AIG1: variants seen among roughly 807,000 people sequenced by gnomAD.
AIG1 encodes the protein androgen induced 1, also known as androgen-induced gene 1 protein.
In AIG1, 23 loss-of-function variants were observed where a neutral mutation model predicts 31.4. The observed-to-expected ratio is 0.73, with a 90% CI of 0.53 to 1.04. The LOEUF (loss-of-function observed/expected upper bound fraction) is 1.04. Ranked by LOEUF, AIG1 falls within the 50% of genes least tolerant of loss-of-function variation. The probability of loss-of-function intolerance (pLI) is 0.00; values close to 1 mark genes in which losing one functional copy is unlikely to be tolerated. For missense variants in AIG1, 274 were observed against 295.0 expected (o/e 0.93, Z 0.52); for synonymous variants, 100 against 110.5 (o/e 0.90, Z 0.60).
chr6:143,138,575 G>T (rs1347296218), intron 2 of AIG1, among the ~76,000 whole-genome samples: 1 of 151,954 alleles, frequency 6.6e-6, no homozygotes, highest in African/African-American at 2.4e-5. Flanking sequence ...GCCTTCGTTG[G>T]CTAGAAGGAT....
intron 1 of AIG1, among the ~76,000 whole-genome samples, chr6:143,129,247 C>T (rs1039054679): frequency 1.1e-4 from 16 of 152,142 alleles, no homozygotes; most frequent in South Asian, 6.2e-4. Context: ...GCCGAGATCG[C>T]ACCACTGCAC....
At chr6:143,253,998 A>C (rs898292847) in intron 3 of AIG1, among the ~76,000 whole-genome samples, 5 of 152,138 alleles carry the variant, frequency 3.3e-5, no homozygotes, top group African/African-American at 1.2e-4. Flanking sequence ...CTTCCTAGCT[A>C]TCAGGGAGTG....
At chr6:143,273,011 C>T (rs1016111713) in intron 3 of AIG1, among the ~76,000 whole-genome samples, 1 of 152,144 alleles carries the variant, frequency 6.6e-6, no homozygotes, top group East Asian at 1.9e-4. Context: ...CACCTGTTAT[C>T]CCAGCTACTT....
At chr6:143,311,697 T>C (rs1301237370) in intron 4 of AIG1, among the ~76,000 whole-genome samples, 1 of 151,756 alleles carries the variant, frequency 6.6e-6, no homozygotes, top group South Asian at 2.1e-4. Context: ...TATTAAAAAT[T>C]TATAGCTGGA....
intron 1 of AIG1, among the ~76,000 whole-genome samples, chr6:143,112,277 T>C (rs1305454931): frequency 6.6e-6 from 1 of 152,230 alleles, no homozygotes; most frequent in Non-Finnish European, 1.5e-5. Context: ...ACTTCTTCTG[T>C]GGGTGGTTTC....
chr6:143,087,747 A>G (rs941684091), intron 1 of AIG1, among the ~76,000 whole-genome samples: 3 of 152,258 alleles, frequency 2.0e-5, no homozygotes, highest in Non-Finnish European at 4.4e-5. Context: ...TGCTATACTG[A>G]CATCTTTAAG....
chr6:143,097,362 A>T (rs893855492), intron 1 of AIG1, among the ~76,000 whole-genome samples: 1 of 152,104 alleles, frequency 6.6e-6, no homozygotes, highest in African/African-American at 2.4e-5. Context: ...TGCATGGCCC[A>T]ACCTTATAAG....
rs556899302 is a variant in AIG1 at position 143,330,311 on chromosome 6, T to C, written c.516-2971T>C. Among the ~76,000 whole-genome samples, 2 of 151,836 alleles carry C rather than the reference T, an allele frequency of 1.3e-5. No individual in the cohort carries two copies. Among genetic ancestry groups the C allele is most frequent in the African/African-American group, 2.4e-5 (1 of 41,404 alleles). On this transcript the variant is annotated intron_variant, in intron 4 of 5. Transcript: ENST00000357847. The surrounding 1 kb of genome is among the most constrained non-coding windows in gnomAD (Gnocchi z 4.4). ...AGAATAGAGAGTTTGAGGGTAGAGG[T>C]TGCAATTTTTAGATACAGTGGCCAG... is the stretch of plus-strand genomic sequence containing the variant.
rs1431504543 is a variant in AIG1, at chr6:143,295,374, G to A, written c.515+11149G>A. Among the ~76,000 whole-genome samples the A allele has an allele frequency of 4.6e-5, 7 of 152,272 alleles. No homozygotes were observed. In the East Asian group the frequency reaches 1.3e-3, roughly 29 times the overall value. On this transcript the variant is annotated intron_variant, in intron 4 of 5. Coordinates refer to ENST00000357847, the MANE Select transcript of AIG1 (RefSeq NM_016108.4). ...GCTACTCCCTTGCTCCAAGACTGTG[G>A]ATGACTTCTCATTGCTCCTCAAGAT...
rs1474483094 is a variant in AIG1 at position 143,330,986 on chromosome 6, G to A, written c.516-2296G>A. Among the ~76,000 whole-genome samples, 1 of 152,074 alleles carries A rather than the reference G, an allele frequency of 6.6e-6. No homozygotes were observed. The highest frequency in any genetic ancestry group is 1.5e-5 in the Non-Finnish European group (1 of 68,012). ...CTTCAGCTTTTCTAACAGAATCTTT[G>A]GACTAACATGGCCTCTTTTTTTGAT... On this transcript the variant is annotated intron_variant, in intron 4 of 5. Transcript: ENST00000357847. This position sits in a 1 kb window ranked among gnomAD's most constrained non-coding sequence, Gnocchi z 4.4.
chr6:143,307,663 T>C (rs569900595), intron 4 of AIG1, among the ~76,000 whole-genome samples: 2,763 of 152,310 alleles, frequency 0.018, 41 homozygotes, highest in Non-Finnish European at 0.029. Context: ...AGGGACCCAC[T>C]TGAGGAGGCA....
Position 143,268,034 on chromosome 6 carries a change from G to T in AIG1, c.400-16076G>T, listed in dbSNP as rs984994103. ...GGCTGAACTCTGTGAGCACAATGTT[G>T]TAATACTGTTGATCTCATGCTGATC... On this transcript the variant is annotated intron_variant, in intron 3 of 5. Coordinates refer to ENST00000357847, the MANE Select transcript of AIG1 (RefSeq NM_016108.4). This position sits in a 1 kb window ranked among gnomAD's most constrained non-coding sequence, Gnocchi z 5.0. Among the ~76,000 whole-genome samples, 8 of 152,168 alleles carry T rather than the reference G, an allele frequency of 5.3e-5. No individual in the cohort carries two copies. Among genetic ancestry groups the T allele is most frequent in the African/African-American group, 1.7e-4 (7 of 41,440 alleles).
At position 143,228,661 on chromosome 6, in the gene AIG1, T is replaced by G. The variant is rs184894776; in HGVS notation, c.400-55449T>G. ...GACAAACGAGAGGGACTCAGAGGGCTTCGACTCTGGGACTATTGAAAGCTC... is the reference window on the plus strand; with the variant it reads ...GACAAACGAGAGGGACTCAGAGGGCGTCGACTCTGGGACTATTGAAAGCTC... On this transcript the variant is annotated intron_variant, in intron 3 of 5. Transcript: ENST00000357847. Among the ~76,000 whole-genome samples the G allele has an allele frequency of 7.2e-4, 109 of 152,168 alleles. 2 individuals carry two copies. Among genetic ancestry groups the G allele is most frequent in the Non-Finnish European group, 4.3e-4 (29 of 68,040 alleles).
chr6:143,227,929 T>G lies in AIG1; in HGVS notation c.400-56181T>G, dbSNP rs183343049. ...AGAGCTTGCTGCATTCCTCTTTATCTGTTAGGTATCTATTATCTACCTCCC... is the reference window on the plus strand; with the variant it reads ...AGAGCTTGCTGCATTCCTCTTTATCGGTTAGGTATCTATTATCTACCTCCC... On this transcript the variant is annotated intron_variant, in intron 3 of 5. Transcript: ENST00000357847. Among the ~76,000 whole-genome samples the G allele has an allele frequency of 2.8e-4, 42 of 152,378 alleles. 2 individuals carry two copies.
intron 1 of AIG1, among the ~76,000 whole-genome samples, chr6:143,129,101 C>T (rs1205855009): frequency 1.3e-5 from 2 of 151,978 alleles, no homozygotes; most frequent in African/African-American, 4.8e-5. Flanking sequence ...ACCATCCTGG[C>T]TGACATGGTG....
intron 4 of AIG1, among the ~76,000 whole-genome samples, chr6:143,323,959 G>T (rs950905275): frequency 1.3e-5 from 2 of 152,170 alleles, no homozygotes; most frequent in Non-Finnish European, 2.9e-5. Flanking sequence ...TCAAGAGAGG[G>T]CCAGGTCTAA....
chr6:143,072,529 G>A (rs1416155748), intron 1 of AIG1, among the ~76,000 whole-genome samples: 1 of 152,036 alleles, frequency 6.6e-6, no homozygotes, highest in Non-Finnish European at 1.5e-5. Flanking sequence ...TCCTATCTTA[G>A]GAGGAAAACA....
intron 3 of AIG1, among the ~76,000 whole-genome samples, chr6:143,194,527 T>A (rs1027337826): frequency 6.6e-6 from 1 of 152,202 alleles, no homozygotes; most frequent in African/African-American, 2.4e-5. Flanking sequence ...TATGAGACAT[T>A]CTCTTGTCAG....
intron 1 of AIG1, among the ~76,000 whole-genome samples, chr6:143,125,752 A>G (rs1237309191): frequency 6.6e-6 from 1 of 152,176 alleles, no homozygotes; most frequent in Non-Finnish European, 1.5e-5. Flanking sequence ...TGCTACTTAT[A>G]TATTAAAAGC....
Sources: gnomAD v4.1 joint callset for allele counts (sites outside exome capture counted in the v4.1 genomes callset) on GRCh38, gnomAD v4.1.1 for gene constraint, Gnocchi (gnomAD v3.1) non-coding constraint, MANE v1.5 for transcripts, NCBI Gene and HGNC (gene_info 2026-07-23, HGNC 2026-07-21) for gene names.